TTN: variants seen among roughly 807,000 people sequenced by gnomAD.
The protein encoded by TTN is titin.
Under a neutral mutation model 3,223.0 loss-of-function variants are expected in TTN, and 1,525 were observed. The ratio of observed to expected loss-of-function variants is 0.47; its 90% CI spans 0.45 to 0.49. TTN has a LOEUF of 0.49. Ranked by LOEUF, TTN falls within the 20% of genes least tolerant of loss-of-function variation. The pLI is 0.00. For synonymous variants in TTN, 14,094 were observed against 15,161.0 expected (o/e 0.93, Z 5.17); for missense variants, 40,786 against 43,424.0 (o/e 0.94, Z 5.40).
At chr2:178,688,287 G>A (rs2071407699) in intron 126 of TTN, 63 bp from the exon 127 acceptor site, 4 of 1,411,232 alleles carry the variant, frequency 2.8e-6, no homozygotes, top group Non-Finnish European at 4.0e-6. Flanking sequence ...ATACAGCCAT[G>A]TGGTCACTAC....
At chr2:178,711,870 T>C (rs2076707115) in intron 96 of TTN, 74 bp downstream of exon 96, 4 of 1,490,326 alleles carry the variant, frequency 2.7e-6, no homozygotes, top group Admixed American at 4.7e-5. Flanking sequence ...TCCTAAAAAA[T>C]AGGCCTCCCC....
intron 143 of TTN, 88 bp from the exon 144 acceptor site, chr2:178,678,585 A>G (rs1013447095): frequency 3.2e-6 from 4 of 1,233,982 alleles, no homozygotes; most frequent in Non-Finnish European, 4.5e-6. Context: ...ATAAGGTAAT[A>G]AAAGTATGAC....
rs575465276 is a variant in TTN, at chr2:178,771,770, CCTT to C, written c.7856-302_7856-300del. 2.8e-4 allele frequency among the ~76,000 whole-genome samples: 43 copies of C among 152,172 alleles called. No homozygotes were observed. In the South Asian group the frequency reaches 2.9e-3, roughly 10 times the overall value. Reference sequence around the variant, plus strand: ...CACCAGGATAGTCTCTAACCCAATTCCTTCTTCTTCAAAAGCATTTTACTTGGT... The same window carrying C: ...CACCAGGATAGTCTCTAACCCAATTCCTTCTTCAAAAGCATTTTACTTGGT... On this transcript the variant is annotated intron_variant, in intron 33 of 362. Coordinates refer to ENST00000589042, the MANE Select transcript of TTN (RefSeq NM_001267550.2).
rs2154228282 is a variant in TTN at position 178,634,723 on chromosome 2, C to A, written c.42151G>T (p.Glu14051Ter). 6.2e-7 allele frequency: 1 copy of A among 1,612,996 alleles called. No homozygotes were observed. Among genetic ancestry groups the A allele is most frequent in the Non-Finnish European group, 8.5e-7 (1 of 1,179,366 alleles). The stretch of plus-strand genomic sequence containing the variant: ...TCCCCAAATTCTAAAAGCCCCATAC[C>A]TTTTACTGTCAAAATGGCAGTTGTA... ...AITTAILTVK[E>*]IELDFAVPLK... is the part of the protein sequence containing the mutation. Residue 14051 changes from glutamate to a stop codon, truncating the protein, a stop_gained and splice_region_variant, in exon 229 of 363, where the codon GAA becomes TAA. Coordinates refer to ENST00000589042, the MANE Select transcript of TTN (RefSeq NM_001267550.2). LOFTEE classifies it high-confidence loss of function. This position sits in a 1 kb window ranked among gnomAD's most constrained non-coding sequence, Gnocchi z 4.6.
At position 178,530,937 on chromosome 2, in the gene TTN, C is replaced by T; in HGVS notation, c.105678G>A (p.Lys35226=). 3.1e-6 allele frequency: 5 copies of T among 1,613,946 alleles called. No individual in the cohort carries two copies. Among genetic ancestry groups the T allele is most frequent in the Non-Finnish European group, 4.2e-6 (5 of 1,179,884 alleles). Residue 35226 remains lysine, a synonymous_variant, in exon 358 of 363, where the codon AAG becomes AAA. Transcript: ENST00000589042. ...LTIQKARVTE[K]AVTSPPRVKS... ...TGACTCTTGGTGGTGATGTCACAGC[C>T]TTTTCAGTTACCCTGGCCTTTTGAA...
chr2:178,543,093 C>T lies in TTN; in HGVS notation c.96880G>A (p.Ala32294Thr), dbSNP rs751040519. 1.9e-6 allele frequency: 3 copies of T among 1,597,962 alleles called. No individual in the cohort carries two copies. The African/African-American group carries it at 4.1e-5, about 22-fold the overall frequency. ...GVSEPRETVTAVTVQDLRVLP... is the reference protein window; with the variant it reads ...GVSEPRETVTTVTVQDLRVLP... ...CCTCTGAGGTCTTGTACAGTCACGG[C>T]TGTGACAGTCTCTCTTGGTTCTGAC... The change falls in exon 347 of 363, where the codon GCC becomes ACC. Residue 32294 changes from alanine (A) to threonine (T), a missense_variant. Transcript: ENST00000589042.
rs1387506202 is a variant in TTN at position 178,609,209 on chromosome 2, T to A, written c.52101A>T (p.Leu17367Phe). The A allele has an allele frequency of 6.6e-7, 1 of 1,507,144 alleles. No individual in the cohort carries two copies. Among genetic ancestry groups the A allele is most frequent in the Non-Finnish European group, 8.8e-7 (1 of 1,133,710 alleles). 93.4% of individuals were successfully genotyped at this position (1,507,144 alleles called of 1,614,324 possible). A position where few individuals can be genotyped will look rare whatever the true frequency, so the allele number is the denominator to read the frequency against. The change falls in exon 273 of 363, where the codon TTA (leucine) becomes TTT (phenylalanine). Residue 17367 changes from leucine (L) to phenylalanine (F), a missense_variant and splice_region_variant. By Grantham distance (22) the Leu-to-Phe change is conservative. Coordinates refer to ENST00000589042, the MANE Select transcript of TTN (RefSeq NM_001267550.2). ...GAAAGTGTAGTTTTAATGACTCACCTAACACACTGACAGTACAAGGAGCTT... is the reference window on the plus strand; with the variant it reads ...GAAAGTGTAGTTTTAATGACTCACCAAACACACTGACAGTACAAGGAGCTT... ...IAKAPCTVSV[L>F]DTPGPPINFV...
chr2:178,543,685 C>A, intron 346 of TTN, 23 bp from the exon 347 acceptor site: 1 of 1,549,180 alleles, frequency 6.5e-7, no homozygotes, highest in Non-Finnish European at 8.7e-7. Flanking sequence ...ATGAAAGATT[C>A]ATATTTCCTA....
At chr2:178,706,041 G>C (rs2075811267) in intron 102 of TTN, among the ~76,000 whole-genome samples, 1 of 152,152 alleles carries the variant, frequency 6.6e-6, no homozygotes, top group African/African-American at 2.4e-5. Context: ...TTGCTTATCT[G>C]CTTCTGTGAA....
intron 33 of TTN, among the ~76,000 whole-genome samples, chr2:178,772,767 A>T (rs2091711043): frequency 6.6e-6 from 1 of 152,212 alleles, no homozygotes; most frequent in Non-Finnish European, 1.5e-5. Context: ...AGGAGTTTAT[A>T]CACTGATATT....
At position 178,739,433 on chromosome 2, in the gene TTN, T is replaced by G. The variant is rs1883085; in HGVS notation, c.13800A>C (p.Leu4600Phe). 85,118 of 1,613,754 alleles carry G rather than the reference T, an allele frequency of 0.053. 3,847 individuals carry two copies. The highest frequency in any genetic ancestry group is 0.21 in the Admixed American group (12,337 of 59,978). ...GTATCATGGGGCCATCCTCTTTGAT[T>G]AAGCCACCCTCAGCTTCCTGTATCT... ...TVKIQEAEGG[L>F]IKEDGPMIHT... is the part of the protein sequence containing the mutation. The change falls in exon 48 of 363, where the codon TTA becomes TTC. Residue 4600 changes from leucine to phenylalanine, a missense_variant. Transcript: ENST00000589042.
chr2:178,571,289 T>G lies in TTN; in HGVS notation c.74843A>C (p.Lys24948Thr), dbSNP rs1263875134. 1.2e-6 allele frequency: 2 copies of G among 1,613,380 alleles called. No individual in the cohort carries two copies. Among genetic ancestry groups the G allele is most frequent in the Non-Finnish European group, 1.7e-6 (2 of 1,179,628 alleles). Residue 24948 changes from lysine to threonine, a missense_variant, in exon 326 of 363, where the codon AAG (lysine) becomes ACG (threonine). Physicochemically the swap from Lys to Thr is moderately conservative, Grantham distance 78. Transcript: ENST00000589042. The stretch of plus-strand genomic sequence containing the variant: ...AACCCAGAGGATGCTATTTCTTTCC[T>G]TGCGTTCTAGATGATAGCCAATGAC... ...SRVIGYHLER[K>T]ERNSILWVKL...
intron 6 of TTN, among the ~76,000 whole-genome samples, 182 bp from the exon 7 acceptor site, chr2:178,795,434 T>C (rs2093715671): frequency 6.6e-6 from 1 of 152,162 alleles, no homozygotes; most frequent in African/African-American, 2.4e-5. Flanking sequence ...ATAAACCTAT[T>C]CTTATCTGCT....
chr2:178,629,828 A>G (rs1423669199), intron 239 of TTN, among the ~76,000 whole-genome samples: 1 of 152,122 alleles, frequency 6.6e-6, no homozygotes, highest in East Asian at 1.9e-4. Flanking sequence ...TGCACCTTCC[A>G]GAAACGTTAG....
intron 61 of TTN, 28 bp from the exon 62 acceptor site, chr2:178,730,399 G>T: frequency 6.4e-7 from 1 of 1,554,054 alleles, no homozygotes; most frequent in South Asian, 1.2e-5. Flanking sequence ...ACAAGCAAAA[G>T]AAAATAGGAA....
At chr2:178,693,023 T>G (rs1269755290) in intron 119 of TTN, among the ~76,000 whole-genome samples, 2 of 152,024 alleles carry the variant, frequency 1.3e-5, no homozygotes, top group East Asian at 3.9e-4. Context: ...AGATTTCCGA[T>G]TTCCAAGGTG....
chr2:178,653,246 G>A lies in TTN; in HGVS notation c.38783C>T (p.Pro12928Leu), dbSNP rs752337495. Reference protein sequence around the residue: ...LAPPKKPEVPPVKVPEAPKEV... With the variant: ...LAPPKKPEVPLVKVPEAPKEV... ...AGGTCAGTGACAAATACCTTTAACA[G>A]GTGGGACTTCAGGCTTTTTAGGAGG... Residue 12928 changes from proline (P) to leucine (L), a missense_variant, in exon 198 of 363, where the codon CCT becomes CTT. Physicochemically the swap from Pro to Leu is moderately conservative, Grantham distance 98. Transcript: ENST00000589042. 16 of 1,611,922 alleles carry A rather than the reference G, an allele frequency of 9.9e-6. No individual in the cohort carries two copies. Among genetic ancestry groups the A allele is most frequent in the Non-Finnish European group, 1.4e-5 (16 of 1,179,306 alleles).
chr2:178,606,894 A>T, intron 278 of TTN, 127 bp downstream of exon 278: 1 of 1,054,800 alleles, frequency 9.5e-7, no homozygotes, highest in Non-Finnish European at 1.3e-6. Flanking sequence ...TTTTTGATTT[A>T]CTTTTCTTAT....
Position 178,779,019 on chromosome 2 carries a change from GAAC to G in TTN, c.4060_4062del (p.Val1354del), listed in dbSNP as rs878854304. On this transcript the variant is annotated inframe_deletion, in exon 24 of 363. Transcript: ENST00000589042. ...GTGTAGATTCCTTCATCTTCTGGAAGAACAACAGGTATACGCAGACTAGCTCTG... is the reference window on the plus strand; with the variant it reads ...GTGTAGATTCCTTCATCTTCTGGAAGAACAGGTATACGCAGACTAGCTCTG... The G allele has an allele frequency of 3.1e-6, 5 of 1,613,178 alleles. No individual in the cohort carries two copies. The highest frequency in any genetic ancestry group is 4.2e-6 in the Non-Finnish European group (5 of 1,179,738).
Sources: allele counts gnomAD v4.1 joint callset (sites outside exome capture counted in the v4.1 genomes callset), GRCh38; gene constraint gnomAD v4.1.1; non-coding constraint Gnocchi (gnomAD v3.1); transcripts MANE v1.5; gene names NCBI Gene and HGNC (gene_info 2026-07-23, HGNC 2026-07-21).